PTPRD: variants seen among roughly 807,000 people sequenced by gnomAD.
PTPRD encodes receptor-type tyrosine-protein phosphatase delta.
In PTPRD, 34 loss-of-function variants were observed where a neutral mutation model predicts 214.5. The ratio of observed to expected loss-of-function variants is 0.16; its 90% CI spans 0.12 to 0.21. The LOEUF is 0.21. Ranked by LOEUF, PTPRD falls within the 10% of genes least tolerant of loss-of-function variation. The pLI, the probability that PTPRD is intolerant of heterozygous loss-of-function variation, is 1.00. For synonymous variants in PTPRD, 1,128 were observed against 845.7 expected, an observed-to-expected ratio of 1.33 and a Z score of -5.79; for missense variants, 2,545 against 2,398.7, an observed-to-expected ratio of 1.06 and a Z score of -1.27.
At chr9:9,533,806 G>C (rs1021988333) in intron 8 of PTPRD, among the ~76,000 whole-genome samples, 3 of 151,868 alleles carry the variant, frequency 2.0e-5, no homozygotes, top group Non-Finnish European at 4.4e-5. Flanking sequence ...TTTTTCTGTG[G>C]GACAAGAGAG....
At chr9:8,414,927 G>GA (rs2131244861) in intron 35 of PTPRD, among the ~76,000 whole-genome samples, 1 of 65,990 alleles carries the variant, frequency 1.5e-5, no homozygotes, top group East Asian at 6.4e-4. Context: ...GAGAGAGGGA[G>GA]GGGGAGAGAG....
At chr9:9,903,353 T>A (rs2076836586) in intron 5 of PTPRD, among the ~76,000 whole-genome samples, 1 of 152,160 alleles carries the variant, frequency 6.6e-6, no homozygotes, top group African/African-American at 2.4e-5. Flanking sequence ...TAACAAAAAT[T>A]GTCATTGTCT....
At chr9:9,608,703 C>T (rs1487683596) in intron 7 of PTPRD, among the ~76,000 whole-genome samples, 2 of 152,174 alleles carry the variant, frequency 1.3e-5, no homozygotes, top group Non-Finnish European at 2.9e-5. Flanking sequence ...AGAATTTCTA[C>T]CCAGTCCTCA....
In PTPRD at chr9:9,946,352, C is replaced by G. The variant is rs77803412; in HGVS notation, c.-471-7742G>C. Among the ~76,000 whole-genome samples the G allele has an allele frequency of 1.1e-4, 16 of 152,222 alleles. No homozygotes were observed. The East Asian group carries it at 2.9e-3, about 28-fold the overall frequency. ...ACAATAAGTATAACTGAGAGATGCA[C>G]AAAGCACTACATATGGCTGAAAACA... On this transcript the variant is annotated intron_variant, in intron 4 of 45. Transcript: ENST00000381196.
At chr9:8,825,538 T>C (rs2097158495) in intron 11 of PTPRD, among the ~76,000 whole-genome samples, 2 of 152,216 alleles carry the variant, frequency 1.3e-5, no homozygotes, top group South Asian at 4.1e-4. Flanking sequence ...AAAAGGTTCC[T>C]TGACTTTGAA....
intron 3 of PTPRD, among the ~76,000 whole-genome samples, chr9:10,315,945 A>G (rs924391739): frequency 6.6e-6 from 1 of 151,912 alleles, no homozygotes; most frequent in African/African-American, 2.4e-5. Flanking sequence ...GGTTTATCAT[A>G]AAACTTGGAA....
intron 3 of PTPRD, among the ~76,000 whole-genome samples, chr9:10,234,483 G>T (rs1407420214): frequency 6.6e-6 from 1 of 151,678 alleles, no homozygotes; most frequent in Non-Finnish European, 1.5e-5. Context: ...ACCCTTAGAG[G>T]ATAGGAAATG....
chr9:10,396,930 G>A (rs1243868598), intron 2 of PTPRD, among the ~76,000 whole-genome samples: 1 of 151,892 alleles, frequency 6.6e-6, no homozygotes, highest in African/African-American at 2.4e-5. Context: ...CTGGAATCAG[G>A]CTCTTAATAC....
At chr9:10,051,865 T>A (rs1162579281) in intron 3 of PTPRD, among the ~76,000 whole-genome samples, 3 of 152,212 alleles carry the variant, frequency 2.0e-5, no homozygotes, top group Non-Finnish European at 4.4e-5. Flanking sequence ...TACACAAATT[T>A]AATTTTCAAA....
chr9:8,930,158 T>A (rs1327175797), intron 11 of PTPRD, among the ~76,000 whole-genome samples: 1 of 149,512 alleles, frequency 6.7e-6, no homozygotes, highest in East Asian at 2.0e-4. Flanking sequence ...CCCCTTCCTG[T>A]GTCCAAGTGT....
chr9:9,447,434 G>A (rs2090810603), intron 8 of PTPRD, among the ~76,000 whole-genome samples: 1 of 117,604 alleles, frequency 8.5e-6, no homozygotes, highest in Non-Finnish European at 1.9e-5. Flanking sequence ...AATACCGTAT[G>A]TTCTCACTTA....
At chr9:9,351,304 A>G (rs2051023696) in intron 9 of PTPRD, among the ~76,000 whole-genome samples, 1 of 152,078 alleles carries the variant, frequency 6.6e-6, no homozygotes, top group Non-Finnish European at 1.5e-5. Context: ...AACACAGAAT[A>G]ACTGGCACCT....
intron 2 of PTPRD, among the ~76,000 whole-genome samples, chr9:10,601,081 T>C (rs1044794393): frequency 1.3e-5 from 2 of 151,788 alleles, no homozygotes; most frequent in African/African-American, 4.8e-5. Flanking sequence ...TGAAGATTCC[T>C]TGATGTCACA....
intron 9 of PTPRD, among the ~76,000 whole-genome samples, chr9:9,247,025 C>G (rs904102020): frequency 1.4e-5 from 2 of 143,296 alleles, no homozygotes; most frequent in Non-Finnish European, 1.5e-5. Context: ...ATCAGAATTC[C>G]TCTTTCCCAA....
At chr9:10,599,308 T>G (rs1325414285) in intron 2 of PTPRD, among the ~76,000 whole-genome samples, 1 of 151,834 alleles carries the variant, frequency 6.6e-6, no homozygotes, top group Non-Finnish European at 1.5e-5. Flanking sequence ...CTGAGTATGA[T>G]GATTATAATG....
At chr9:10,196,152 A>G (rs1013151028) in intron 3 of PTPRD, among the ~76,000 whole-genome samples, 5 of 152,174 alleles carry the variant, frequency 3.3e-5, no homozygotes, top group Admixed American at 3.3e-4. Flanking sequence ...TAATGCATGG[A>G]CTTTATTGTA....
chr9:8,395,699 G>A (rs1236544332), intron 36 of PTPRD, among the ~76,000 whole-genome samples: 1 of 151,876 alleles, frequency 6.6e-6, no homozygotes, highest in African/African-American at 2.4e-5. Flanking sequence ...AGCTAATGGA[G>A]AAACAGATGA....
intron 2 of PTPRD, among the ~76,000 whole-genome samples, chr9:10,481,276 A>G (rs2099096091): frequency 6.6e-6 from 1 of 152,200 alleles, no homozygotes; most frequent in Non-Finnish European, 1.5e-5. Flanking sequence ...TCTAGTATAC[A>G]CTTGTGCATG....
At chr9:9,829,674 A>G (rs940142782) in intron 5 of PTPRD, among the ~76,000 whole-genome samples, 16 of 151,854 alleles carry the variant, frequency 1.1e-4, no homozygotes, top group African/African-American at 3.1e-4. Context: ...ATGAGGCTCA[A>G]TTTTAGACAC....
Sources: gnomAD v4.1 joint callset for allele counts (sites outside exome capture counted in the v4.1 genomes callset) on GRCh38, gnomAD v4.1.1 for gene constraint, MANE v1.5 for transcripts, NCBI Gene and HGNC (gene_info 2026-07-23, HGNC 2026-07-21) for gene names.